Variants in NUMB observed in about 807,000 individuals in gnomAD.
The protein encoded by NUMB is NUMB endocytic adaptor protein, also known as protein numb homolog.
A neutral mutation model predicts 59.7 loss-of-function variants in NUMB; 29 were observed. That is an observed-to-expected ratio of 0.49 (90% CI 0.36 to 0.66). The LOEUF (loss-of-function observed/expected upper bound fraction) is 0.66. Among genes scored for constraint, NUMB ranks in the 30% least tolerant of loss-of-function variants. NUMB has a pLI of 0.00. For synonymous variants in NUMB, 288 were observed against 288.2 expected (o/e 1.00, Z 0.01); for missense variants, 723 against 822.0 (o/e 0.88, Z 1.47).
chr14:73,330,409 TC>T (rs530601478), intron 4 of NUMB, among the ~76,000 whole-genome samples: 147 of 152,300 alleles, frequency 9.7e-4, no homozygotes, highest in Non-Finnish European at 1.4e-3. Context: ...TAGTCACATT[TC>T]CCTGATCAGA....
At chr14:73,448,994 G>A (rs777949885) in intron 1 of NUMB, among the ~76,000 whole-genome samples, 50 of 138,856 alleles carry the variant, frequency 3.6e-4, no homozygotes, top group Non-Finnish European at 6.2e-4. Context: ...AAATATATTC[G>A]GAAAAAAAAA....
chr14:73,451,366 G>T (rs1184748852), intron 1 of NUMB, among the ~76,000 whole-genome samples: 1 of 151,404 alleles, frequency 6.6e-6, no homozygotes, highest in Non-Finnish European at 1.5e-5. Flanking sequence ...GAACCCACAA[G>T]GCGGAGGTTG....
At chr14:73,348,956 G>A (rs1037331069) in intron 4 of NUMB, among the ~76,000 whole-genome samples, 5 of 152,158 alleles carry the variant, frequency 3.3e-5, no homozygotes, top group Admixed American at 2.0e-4. Context: ...TAGGATATAT[G>A]CTCACAAGAA....
intron 6 of NUMB, among the ~76,000 whole-genome samples, chr14:73,310,080 TAC>T (rs1890692880): frequency 6.6e-6 from 1 of 152,198 alleles, no homozygotes; most frequent in Non-Finnish European, 1.5e-5. Flanking sequence ...GTGATTTTTA[TAC>T]AGTCAGAAGT....
intron 3 of NUMB, among the ~76,000 whole-genome samples, chr14:73,366,285 T>C (rs1894340681): frequency 6.6e-6 from 1 of 152,202 alleles, no homozygotes; most frequent in Non-Finnish European, 1.5e-5. Context: ...TTTGAAAGAA[T>C]GAATGATATT....
At chr14:73,378,723 G>T (rs1490908996) in intron 2 of NUMB, among the ~76,000 whole-genome samples, 1 of 152,150 alleles carries the variant, frequency 6.6e-6, no homozygotes, top group African/African-American at 2.4e-5. Flanking sequence ...GACAGTAAAA[G>T]GACCTGTAAC....
chr14:73,379,601 G>A (rs73309083), intron 2 of NUMB, among the ~76,000 whole-genome samples: 3 of 152,080 alleles, frequency 2.0e-5, no homozygotes, highest in Non-Finnish European at 4.4e-5. Context: ...GTTAAGAGAC[G>A]GCTTCATTTG....
At chr14:73,430,099 TTTAA>T (rs1897760392) in intron 1 of NUMB, among the ~76,000 whole-genome samples, 1 of 151,580 alleles carries the variant, frequency 6.6e-6, no homozygotes, top group African/African-American at 2.4e-5. Flanking sequence ...TAAATGTACA[TTTAA>T]TTATATATTT....
chr14:73,387,956 C>CAA (rs66701940), intron 2 of NUMB, among the ~76,000 whole-genome samples: 5,829 of 94,104 alleles, frequency 0.062, 235 homozygotes, highest in African/African-American at 0.12. Flanking sequence ...CTGTCTCTAC[C>CAA]AAAAAAAAAA....
At chr14:73,320,759 T>C (rs980683266) in intron 5 of NUMB, among the ~76,000 whole-genome samples, 12 of 152,100 alleles carry the variant, frequency 7.9e-5, no homozygotes, top group Non-Finnish European at 1.6e-4. Flanking sequence ...ATAGGTATAA[T>C]TTTTAAAATG....
chr14:73,297,082 G>T (rs573698860), intron 7 of NUMB, 129 bp downstream of exon 7: 4 of 570,798 alleles, frequency 7.0e-6, no homozygotes, highest in South Asian at 1.9e-5. Flanking sequence ...CAGGAGAATC[G>T]CTTGAACCTG....
intron 1 of NUMB, among the ~76,000 whole-genome samples, chr14:73,420,566 T>A (rs1487402103): frequency 6.6e-6 from 1 of 151,998 alleles, no homozygotes; most frequent in South Asian, 2.1e-4. Flanking sequence ...ACACCTGTAA[T>A]CCCAGCACTT....
chr14:73,385,308 C>CTTTTTTTTT lies in NUMB; in HGVS notation c.-100-18336_-100-18328dup, dbSNP rs1174960370. ...AGCTATAGGTGCATACCAGTTAATT[C>CTTTTTTTTT]TTTTTTTTTTTTTTTTTTTGGTAGA... On this transcript the variant is annotated intron_variant, in intron 2 of 12. Coordinates refer to ENST00000555238, the MANE Select transcript of NUMB (RefSeq NM_001005743.2). 4.2e-4 allele frequency among the ~76,000 whole-genome samples: 47 copies of CTTTTTTTTT among 112,286 alleles called. 1 individual carries two copies. The highest frequency in any genetic ancestry group is 6.9e-4 in the Non-Finnish European group (38 of 54,924). The allele number at this position is 112,286 out of a possible 152,430, so 73.7% of individuals were successfully genotyped here.
chr14:73,299,098 G>GC (rs989671998), intron 6 of NUMB: 6 of 152,340 alleles, frequency 3.9e-5, no homozygotes, highest in African/African-American at 1.4e-4. Context: ...TACTGGACAT[G>GC]CCAGGCAGAA....
chr14:73,343,799 TC>T (rs1318257341), intron 4 of NUMB, among the ~76,000 whole-genome samples: 1 of 152,258 alleles, frequency 6.6e-6, no homozygotes, highest in Non-Finnish European at 1.5e-5. Flanking sequence ...TTGGATGCTA[TC>T]AAGTTTTGAA....
intron 1 of NUMB, among the ~76,000 whole-genome samples, chr14:73,442,431 A>T (rs1005332426): frequency 6.6e-6 from 1 of 152,092 alleles, no homozygotes; most frequent in Non-Finnish European, 1.5e-5. Context: ...AGAAATGAAA[A>T]CACATGTCCA....
intron 5 of NUMB, among the ~76,000 whole-genome samples, chr14:73,320,140 G>C (rs887455532): frequency 1.3e-5 from 2 of 151,488 alleles, no homozygotes; most frequent in African/African-American, 2.4e-5. Flanking sequence ...TCGGCGGGGG[G>C]GCAAAAAAAG....
chr14:73,282,992 A>G (rs930616837), intron 10 of NUMB, among the ~76,000 whole-genome samples: 5 of 152,192 alleles, frequency 3.3e-5, no homozygotes, highest in Non-Finnish European at 7.3e-5. Flanking sequence ...ACAAACTATG[A>G]CAATGTCATC....
chr14:73,448,459 G>T (rs1883694952), intron 1 of NUMB, among the ~76,000 whole-genome samples: 2 of 152,014 alleles, frequency 1.3e-5, no homozygotes, highest in Admixed American at 1.3e-4. Context: ...CCAAAGTGCT[G>T]GGATTAAAGG....
Sources: allele counts gnomAD v4.1 joint callset (sites outside exome capture counted in the v4.1 genomes callset), GRCh38; gene constraint gnomAD v4.1.1; transcripts MANE v1.5; gene names NCBI Gene and HGNC (gene_info 2026-07-23, HGNC 2026-07-21).